Variants in CDH6 observed in about 807,000 individuals in gnomAD.
CDH6 encodes the protein cadherin 6, also known as cadherin-6.
Under a neutral mutation model 78.0 loss-of-function variants are expected in CDH6, and 31 were observed. The observed-to-expected ratio is 0.40, with a 90% CI of 0.30 to 0.54. The LOEUF is 0.54. Ranked by LOEUF, CDH6 falls within the 20% of genes least tolerant of loss-of-function variation. The pLI is 0.56. For missense variants in CDH6, 724 were observed against 975.9 expected, an observed-to-expected ratio of 0.74 and a Z score of 3.44; for synonymous variants, 376 against 368.8, an observed-to-expected ratio of 1.02 and a Z score of -0.23.
chr5:31,266,962 G>A (rs2149933236), intron 1 of CDH6, among the ~76,000 whole-genome samples: 1 of 152,266 alleles, frequency 6.6e-6, no homozygotes, highest in Middle Eastern at 3.4e-3. Flanking sequence ...GATATACTTT[G>A]CCTTAAACTT....
In CDH6 at chr5:31,281,315, G is replaced by A. The variant is rs147926116; in HGVS notation, c.229-12647G>A. Reference sequence around the variant, plus strand: ...TGTCAAAGAGAAAGAGAGAGAGAGGGAGAAAGAGAAAGGGGGCTGGGGGAG... The same window carrying A: ...TGTCAAAGAGAAAGAGAGAGAGAGGAAGAAAGAGAAAGGGGGCTGGGGGAG... On this transcript the variant is annotated intron_variant, in intron 2 of 11. Transcript: ENST00000265071. Among the ~76,000 whole-genome samples the A allele has an allele frequency of 3.2e-4, 48 of 150,746 alleles. No individual in the cohort carries two copies. The East Asian group carries it at 9.2e-3, about 29-fold the overall frequency.
chr5:31,300,535 C>T (rs546404507), intron 5 of CDH6, among the ~76,000 whole-genome samples: 15 of 152,208 alleles, frequency 9.9e-5, no homozygotes, highest in Middle Eastern at 3.4e-3. Context: ...AAGAATATCT[C>T]ATATAACAAG....
At chr5:31,282,760 G>T (rs1327531847) in intron 2 of CDH6, among the ~76,000 whole-genome samples, 1 of 152,112 alleles carries the variant, frequency 6.6e-6, no homozygotes, top group Admixed American at 6.6e-5. Flanking sequence ...TAATTGTCAA[G>T]GGAATTAGTA....
At chr5:31,255,892 T>C (rs1742040887) in intron 1 of CDH6, among the ~76,000 whole-genome samples, 1 of 152,218 alleles carries the variant, frequency 6.6e-6, no homozygotes, top group Non-Finnish European at 1.5e-5. Context: ...CAAGTGGAGC[T>C]TTGATTATTT....
rs373541431 is a variant in CDH6 at position 31,233,033 on chromosome 5, T to A, written c.-128-34313T>A. ...AACCCAGGCAGCCCAAAGTTCACTA[T>A]ATCATGCTGTTTCTTACCATGCAAT... On this transcript the variant is annotated intron_variant, in intron 1 of 11. Transcript: ENST00000265071. 7.2e-5 allele frequency among the ~76,000 whole-genome samples: 11 copies of A among 152,292 alleles called. No homozygotes were observed. In the East Asian group the frequency reaches 1.5e-3, roughly 21 times the overall value.
At chr5:31,256,928 A>T (rs1373895111) in intron 1 of CDH6, among the ~76,000 whole-genome samples, 1 of 152,204 alleles carries the variant, frequency 6.6e-6, no homozygotes, top group East Asian at 1.9e-4. Context: ...AGCTTGTCTG[A>T]GATCACAAGA....
chr5:31,317,455 A>C lies in CDH6; in HGVS notation c.1593A>C (p.Ala531=). The change falls in exon 10 of 12, where the codon GCA becomes GCC. Residue 531 remains alanine (A), a synonymous_variant. Transcript: ENST00000265071. ...TTTCGTTTTCCTTGGCCCCTGAAGC[A>C]GCCAGTGGCTCAAACTTTACCATTC... The part of the protein sequence containing the change: ...HQFSFSLAPE[A]ASGSNFTIQD... 2 of 1,613,194 alleles carry C rather than the reference A, an allele frequency of 1.2e-6. No individual in the cohort carries two copies. Among genetic ancestry groups the C allele is most frequent in the Non-Finnish European group, 1.7e-6 (2 of 1,179,172 alleles).
rs538192406 is a variant in CDH6, at chr5:31,301,698, G to A, written c.812-413G>A. Among the ~76,000 whole-genome samples, 12 of 152,240 alleles carry A rather than the reference G, an allele frequency of 7.9e-5. No homozygotes were observed. The South Asian group carries it at 2.3e-3, about 29-fold the overall frequency. ...TCCACCTCCAGCTATTATTAGCAAC[G>A]GTAGAAAGAACTCTTTTAAAGAATA... On this transcript the variant is annotated intron_variant, in intron 5 of 11. Coordinates refer to ENST00000265071, the MANE Select transcript of CDH6 (RefSeq NM_004932.4).
chr5:31,245,168 C>T (rs1040267689), intron 1 of CDH6, among the ~76,000 whole-genome samples: 4 of 152,138 alleles, frequency 2.6e-5, no homozygotes, highest in African/African-American at 2.4e-5. Flanking sequence ...GAGGTTTGAC[C>T]ACTGCATGTA....
intron 1 of CDH6, among the ~76,000 whole-genome samples, chr5:31,199,517 C>CACACACATATGTGTATATATGTAT (rs1740274441): frequency 2.3e-5 from 1 of 44,422 alleles, no homozygotes; most frequent in African/African-American, 8.4e-5. Context: ...TATATATGTA[C>CACACACATATGTGTATATATGTAT]ACACACATAT....
chr5:31,223,523 A>G (rs963104272), intron 1 of CDH6, among the ~76,000 whole-genome samples: 3 of 152,104 alleles, frequency 2.0e-5, no homozygotes, highest in Non-Finnish European at 4.4e-5. Flanking sequence ...TGAGATTCTT[A>G]TTTTATTCTT....
At chr5:31,236,378 C>T (rs192888631) in intron 1 of CDH6, among the ~76,000 whole-genome samples, 200 of 152,242 alleles carry the variant, frequency 1.3e-3, no homozygotes, top group African/African-American at 4.6e-3. Context: ...AGTTATATGA[C>T]TCATTGAAGG....
At chr5:31,280,588 G>A (rs979663714) in intron 2 of CDH6, among the ~76,000 whole-genome samples, 1 of 152,154 alleles carries the variant, frequency 6.6e-6, no homozygotes, top group Non-Finnish European at 1.5e-5. Context: ...GTAGCAGAGA[G>A]TATTTCAGAT....
intron 2 of CDH6, among the ~76,000 whole-genome samples, chr5:31,270,901 C>T (rs1026468283): frequency 6.6e-6 from 1 of 152,048 alleles, no homozygotes; most frequent in African/African-American, 2.4e-5. Context: ...CAGCTCCCCC[C>T]TGCAATCCAG....
rs574581194 is a variant in CDH6 at position 31,328,959 on chromosome 5, G to C, written c.*5651G>C. ...CAGTGTGGCCGGGCCTTTTGTTGCA[G>C]TCAAATGGCAAATACGCACTCCTTG... On this transcript the variant is annotated 3_prime_UTR_variant, in exon 12 of 12. Transcript: ENST00000265071. 7 of 221,486 alleles carry C rather than the reference G, an allele frequency of 3.2e-5. No homozygotes were observed. Among genetic ancestry groups the C allele is most frequent in the African/African-American group, 1.3e-4 (6 of 44,730 alleles). 13.7% of individuals were successfully genotyped at this position (221,486 alleles called of 1,614,324 possible). A position where few individuals can be genotyped will look rare whatever the true frequency, so the allele number is the denominator to read the frequency against.
intron 1 of CDH6, among the ~76,000 whole-genome samples, chr5:31,263,976 T>C (rs192284144): frequency 6.6e-6 from 1 of 152,280 alleles, no homozygotes; most frequent in Admixed American, 6.5e-5. Flanking sequence ...GAAGAAAATA[T>C]AGATTCTATG....
intron 7 of CDH6, among the ~76,000 whole-genome samples, chr5:31,310,097 C>T (rs562799914): frequency 6.6e-6 from 1 of 152,350 alleles, no homozygotes; most frequent in South Asian, 2.1e-4. Context: ...TCCAAAGTTT[C>T]ATCCAAGACA....
chr5:31,258,476 G>A (rs1353989183), intron 1 of CDH6, among the ~76,000 whole-genome samples: 5 of 152,152 alleles, frequency 3.3e-5, no homozygotes, highest in East Asian at 1.9e-4. Flanking sequence ...ATCACACACC[G>A]GGGCCTGTTT....
rs10472766 is a variant in CDH6, at chr5:31,268,401, A to G, written c.228+700A>G. Among the ~76,000 whole-genome samples the G allele has an allele frequency of 9.2e-3, 1,399 of 152,344 alleles. 20 individuals carry two copies. Among genetic ancestry groups the G allele is most frequent in the African/African-American group, 0.032 (1,321 of 41,574 alleles). On this transcript the variant is annotated intron_variant, in intron 2 of 11. Transcript: ENST00000265071. Reference sequence around the variant, plus strand: ...ACTCCAGAAAGTAAAGTGAGGAGGCATCACTTATTATAGCCCTCACAGATT... The same window carrying G: ...ACTCCAGAAAGTAAAGTGAGGAGGCGTCACTTATTATAGCCCTCACAGATT...
Sources: allele counts gnomAD v4.1 joint callset (sites outside exome capture counted in the v4.1 genomes callset), GRCh38; gene constraint gnomAD v4.1.1; transcripts MANE v1.5; gene names NCBI Gene and HGNC (gene_info 2026-07-23, HGNC 2026-07-21).